Variants in KAZN observed in about 807,000 individuals in gnomAD.
KAZN encodes the protein kazrin, periplakin interacting protein, also known as kazrin.
Under a neutral mutation model 87.4 loss-of-function variants are expected in KAZN, and 40 were observed. The observed-to-expected ratio is 0.46, with a 90% confidence interval of 0.36 to 0.60. The LOEUF is 0.60. Among genes scored for constraint, KAZN ranks in the 20% least tolerant of loss-of-function variants. The probability of loss-of-function intolerance (pLI) is 0.00; values close to 1 mark genes in which losing one functional copy is unlikely to be tolerated. For synonymous variants in KAZN, 466 were observed against 458.3 expected, an observed-to-expected ratio of 1.02 and a Z score of -0.22; for missense variants, 898 against 1,073.9, an observed-to-expected ratio of 0.84 and a Z score of 2.29.
chr1:14,126,353 T>TCC (rs111821810), intron 1 of KAZN, among the ~76,000 whole-genome samples: 49 of 34,152 alleles, frequency 1.4e-3, no homozygotes, highest in South Asian at 2.3e-3. Context: ...AGCTCTCCCC[T>TCC]CCCCCCCCCC....
At chr1:14,307,824 T>C (rs113810918) in intron 2 of KAZN, among the ~76,000 whole-genome samples, 2,911 of 152,252 alleles carry the variant, frequency 0.019, 97 homozygotes, top group African/African-American at 0.067. Context: ...TCCCTACAAA[T>C]CATTTATTAA....
intron 1 of KAZN, among the ~76,000 whole-genome samples, chr1:14,160,578 T>C (rs1645688190): frequency 1.3e-5 from 2 of 152,206 alleles, no homozygotes; most frequent in African/African-American, 4.8e-5. Flanking sequence ...CACCTGAGTT[T>C]TGGCTCTTAT....
At chr1:15,070,700 G>T (rs1020334468) in intron 8 of KAZN, among the ~76,000 whole-genome samples, 1 of 152,228 alleles carries the variant, frequency 6.6e-6, no homozygotes, top group Non-Finnish European at 1.5e-5. Flanking sequence ...AGTTAGCCAA[G>T]TGTGGTGGCA....
chr1:15,040,427 A>C (rs10927649), intron 3 of KAZN, among the ~76,000 whole-genome samples: 32,530 of 152,066 alleles, frequency 0.21, 3,697 homozygotes, highest in Non-Finnish European at 0.26. Flanking sequence ...GGGGGATGGC[A>C]CAGGAACAAG....
At chr1:14,425,235 T>C (rs13374882) in intron 2 of KAZN, among the ~76,000 whole-genome samples, 39,021 of 152,096 alleles carry the variant, frequency 0.26, 6,272 homozygotes, top group Non-Finnish European at 0.37. Flanking sequence ...GGTCAGGCCA[T>C]GGGAGACAGA....
At chr1:14,786,348 A>G (rs72636671) in intron 1 of KAZN, among the ~76,000 whole-genome samples, 13,900 of 152,116 alleles carry the variant, frequency 0.091, 998 homozygotes, top group African/African-American at 0.2. Context: ...TTCAAGGTCA[A>G]CTGCAGTTTG....
chr1:14,763,706 G>A (rs1644805580), intron 1 of KAZN, among the ~76,000 whole-genome samples: 1 of 152,110 alleles, frequency 6.6e-6, no homozygotes, highest in South Asian at 2.1e-4. Context: ...ATGATCCTTT[G>A]CCTAAGGGGG....
chr1:14,870,831 T>C (rs1203897059), intron 1 of KAZN, among the ~76,000 whole-genome samples: 1 of 152,174 alleles, frequency 6.6e-6, no homozygotes, highest in Non-Finnish European at 1.5e-5. Flanking sequence ...ATTACATATA[T>C]GAATCTTACT....
chr1:14,637,377 C>T (rs533556069), intron 1 of KAZN, among the ~76,000 whole-genome samples: 4 of 152,074 alleles, frequency 2.6e-5, no homozygotes, highest in Non-Finnish European at 5.9e-5. Context: ...TTCTGGGGGC[C>T]GGGAGGGGGC....
chr1:14,577,188 G>A (rs1675245456), intron 2 of KAZN, among the ~76,000 whole-genome samples: 1 of 152,136 alleles, frequency 6.6e-6, no homozygotes, highest in Non-Finnish European at 1.5e-5. Context: ...TCTTCTGAGA[G>A]CATAAAATAC....
chr1:14,358,293 A>G (rs1006947504), intron 2 of KAZN, among the ~76,000 whole-genome samples: 3 of 149,370 alleles, frequency 2.0e-5, no homozygotes, highest in Non-Finnish European at 4.4e-5. Flanking sequence ...TATTGTGTCT[A>G]TTTGATTCTT....
chr1:13,989,360 G>T (rs912053523), intron 1 of KAZN, among the ~76,000 whole-genome samples: 1 of 152,126 alleles, frequency 6.6e-6, no homozygotes, highest in African/African-American at 2.4e-5. Context: ...TTACACGGAT[G>T]AACTAGACAA....
intron 2 of KAZN, among the ~76,000 whole-genome samples, chr1:14,991,920 G>A (rs577115138): frequency 2.6e-5 from 4 of 152,242 alleles, no homozygotes; most frequent in Admixed American, 6.5e-5. Flanking sequence ...AAACGCAGCA[G>A]CTTCCTTTTG....
At chr1:14,973,855 C>G (rs150364268) in intron 2 of KAZN, among the ~76,000 whole-genome samples, 4 of 152,168 alleles carry the variant, frequency 2.6e-5, no homozygotes, top group African/African-American at 9.7e-5. Context: ...GCACCGGTTA[C>G]TACTGCTGTG....
chr1:14,392,330 G>A (rs566106557), intron 2 of KAZN, among the ~76,000 whole-genome samples: 2 of 152,184 alleles, frequency 1.3e-5, no homozygotes, highest in South Asian at 2.1e-4. Context: ...GCCTTCTCCA[G>A]CCTGCACGAT....
intron 2 of KAZN, among the ~76,000 whole-genome samples, chr1:14,581,074 C>T (rs376675057): frequency 5.3e-5 from 8 of 152,102 alleles, no homozygotes; most frequent in African/African-American, 1.9e-4. Context: ...TCTTGGGCCT[C>T]TGGATAACAT....
chr1:14,228,609 A>G (rs79333226), intron 2 of KAZN, among the ~76,000 whole-genome samples: 420 of 152,304 alleles, frequency 2.8e-3, no homozygotes, highest in African/African-American at 9.7e-3. Flanking sequence ...TGAAAATGGT[A>G]AAAGGGCATG....
At chr1:14,607,744 T>C (rs2148614179) in intron 1 of KAZN, among the ~76,000 whole-genome samples, 1 of 152,178 alleles carries the variant, frequency 6.6e-6, no homozygotes, top group South Asian at 2.1e-4. Flanking sequence ...TTTCCTACCT[T>C]TATGGGAAAG....
intron 2 of KAZN, among the ~76,000 whole-genome samples, chr1:14,492,728 CCA>C (rs1669732419): frequency 8.5e-5 from 1 of 11,726 alleles, no homozygotes; most frequent in African/African-American, 3.2e-4. Context: ...ACCACACACA[CCA>C]CATACAGCAC....
Sources: allele counts gnomAD v4.1 joint callset (sites outside exome capture counted in the v4.1 genomes callset), GRCh38; gene constraint gnomAD v4.1.1; transcripts MANE v1.5; gene names NCBI Gene and HGNC (gene_info 2026-07-23, HGNC 2026-07-21).